Variants in TTLL5 observed in about 807,000 individuals in gnomAD.
TTLL5 encodes tubulin tyrosine ligase like 5.
In TTLL5, 132 loss-of-function variants were observed where a neutral mutation model predicts 168.4. The observed-to-expected ratio is 0.78, with a 90% confidence interval of 0.68 to 0.91. TTLL5 has a LOEUF of 0.91. TTLL5 is among the 40% of genes least tolerant of loss of function. The pLI is 0.00. For missense variants in TTLL5, 1,545 were observed against 1,581.5 expected (o/e 0.98, Z 0.39); for synonymous variants, 546 against 558.6 (o/e 0.98, Z 0.32).
rs533058112 is a variant in TTLL5, at chr14:75,954,015, G to C, written c.3824-409G>C. ...TGTAATCCCAGCACTTTGGGAGGCC[G>C]AGGTGGGCAGATCACGAGGTCAGGA... On this transcript the variant is annotated intron_variant, in intron 31 of 31. Coordinates refer to ENST00000298832, the MANE Select transcript of TTLL5 (RefSeq NM_015072.5). Among the ~76,000 whole-genome samples the C allele has an allele frequency of 1.5e-3, 230 of 152,126 alleles. 2 individuals are homozygous for C. The highest frequency in any genetic ancestry group is 2.4e-3 in the Non-Finnish European group (166 of 67,982).
Position 75,752,876 on chromosome 14 carries a change from CT to C in TTLL5, c.1488-14del. ...AACTAGCTTAAGAAATAACCAGTTT[CT>C]TTCTTTGCTTTTCAGGTCCTACCTC... On this transcript the variant is annotated splice_polypyrimidine_tract_variant and intron_variant, in intron 17 of 31. Coordinates refer to ENST00000298832, the MANE Select transcript of TTLL5 (RefSeq NM_015072.5). 6.2e-7 allele frequency: 1 copy of C among 1,610,660 alleles called. No individual in the cohort carries two copies. The highest frequency in any genetic ancestry group is 8.5e-7 in the Non-Finnish European group (1 of 1,177,924).
At chr14:75,877,738 G>A (rs1171116398) in intron 29 of TTLL5, among the ~76,000 whole-genome samples, 1 of 152,154 alleles carries the variant, frequency 6.6e-6, no homozygotes, top group Non-Finnish European at 1.5e-5. Context: ...TAATTCTTCT[G>A]TCCTTTTATG....
In TTLL5 at chr14:75,954,760, T is replaced by G. The variant is rs1326792207; in HGVS notation, c.*314T>G. 1 of 403,528 alleles carries G rather than the reference T, an allele frequency of 2.5e-6. No homozygotes were observed. The highest frequency in any genetic ancestry group is 4.5e-6 in the Non-Finnish European group (1 of 222,348). 25.0% of individuals were successfully genotyped at this position (403,528 alleles called of 1,614,324 possible). Reference sequence around the variant, plus strand: ...CCTTTGCCCCATGCCCCCAAACTGCTTAGGTCTTCTCTGTCCCTTTACTGC... The same window carrying G: ...CCTTTGCCCCATGCCCCCAAACTGCGTAGGTCTTCTCTGTCCCTTTACTGC... On this transcript the variant is annotated 3_prime_UTR_variant, in exon 32 of 32. Coordinates refer to ENST00000298832, the MANE Select transcript of TTLL5 (RefSeq NM_015072.5).
rs1045333985 is a variant in TTLL5 at position 75,771,814 on chromosome 14, C to T, written c.2096C>T (p.Thr699Met). The change falls in exon 21 of 32, where the codon ACG becomes ATG. Residue 699 changes from threonine (T) to methionine (M), a missense_variant. Coordinates refer to ENST00000298832, the MANE Select transcript of TTLL5 (RefSeq NM_015072.5). ...CTGATGAAAGACAGTGGCGGTCAGA[C>T]GTTCAGTGCCAGTTGGGCTGCCAAA... ...IRLMKDSGGQ[T>M]FSASWAAKED... The T allele has an allele frequency of 7.4e-6, 12 of 1,613,900 alleles. No homozygotes were observed. Among genetic ancestry groups the T allele is most frequent in the Middle Eastern group, 1.6e-4 (1 of 6,080 alleles).
Position 75,733,887 on chromosome 14 carries a change from A to G in TTLL5, c.1125-102A>G, listed in dbSNP as rs534195790. ...TTATGGGCTTTATGTGTTGCTCTTCATTGACATTTGGAAACTTTGCTATAT... is the reference window on the plus strand; with the variant it reads ...TTATGGGCTTTATGTGTTGCTCTTCGTTGACATTTGGAAACTTTGCTATAT... On this transcript the variant is annotated intron_variant, in intron 13 of 31. Transcript: ENST00000298832. 7.5e-5 allele frequency: 83 copies of G among 1,107,218 alleles called. No individual in the cohort carries two copies. The Middle Eastern group carries it at 8.0e-4, about 11-fold the overall frequency. The allele number at this position is 1,107,218 out of a possible 1,614,324, so 68.6% of individuals were successfully genotyped here. A position where few individuals can be genotyped will look rare whatever the true frequency, so the allele number is the denominator to read the frequency against.
chr14:75,844,409 A>G (rs1029089692), intron 28 of TTLL5, among the ~76,000 whole-genome samples: 2 of 152,334 alleles, frequency 1.3e-5, no homozygotes, highest in African/African-American at 4.8e-5. Context: ...TAGTATTTCT[A>G]AAACAAAGGT....
intron 10 of TTLL5, 63 bp from the exon 11 acceptor site, chr14:75,719,670 AAG>A (rs1887720379): frequency 7.3e-7 from 1 of 1,377,610 alleles, no homozygotes; most frequent in Non-Finnish European, 9.7e-7. Context: ...GCTATTTGCA[AAG>A]AGTCTTGTTA....
intron 31 of TTLL5, among the ~76,000 whole-genome samples, chr14:75,943,767 A>G (rs2034685449): frequency 6.6e-6 from 1 of 152,244 alleles, no homozygotes; most frequent in Non-Finnish European, 1.5e-5. Context: ...TGAAATTGCC[A>G]AATAGTGCAA....
At chr14:75,854,872 T>C (rs915117590) in intron 28 of TTLL5, among the ~76,000 whole-genome samples, 3 of 152,186 alleles carry the variant, frequency 2.0e-5, no homozygotes, top group African/African-American at 4.8e-5. Flanking sequence ...CAGTTACCAA[T>C]AGGGCATTTT....
intron 28 of TTLL5, among the ~76,000 whole-genome samples, chr14:75,852,638 T>C (rs1018836060): frequency 2.0e-5 from 3 of 152,210 alleles, no homozygotes; most frequent in Non-Finnish European, 4.4e-5. Flanking sequence ...TATACTCTTA[T>C]CTCAAGGTGT....
At chr14:75,852,550 A>G (rs992750792) in intron 28 of TTLL5, among the ~76,000 whole-genome samples, 4 of 152,132 alleles carry the variant, frequency 2.6e-5, no homozygotes, top group Non-Finnish European at 5.9e-5. Context: ...CACCATCCCT[A>G]TTATACTTTA....
chr14:75,714,037 G>C (rs1017042866), intron 9 of TTLL5, among the ~76,000 whole-genome samples: 2 of 151,564 alleles, frequency 1.3e-5, no homozygotes, highest in Non-Finnish European at 2.9e-5. Context: ...GTCTCCTTCA[G>C]TCTGAAACAG....
chr14:75,683,775 A>AATT, intron 5 of TTLL5, 119 bp downstream of exon 5: 2 of 621,746 alleles, frequency 3.2e-6, no homozygotes, highest in Non-Finnish European at 5.1e-6. Context: ...AAGAAGAAGG[A>AATT]CTTTTTTTTT....
At chr14:75,727,418 A>G (rs769677065) in intron 12 of TTLL5, among the ~76,000 whole-genome samples, 15 of 152,220 alleles carry the variant, frequency 9.9e-5, no homozygotes, top group Non-Finnish European at 1.9e-4. Flanking sequence ...TCAAAAGCAC[A>G]ATGCTAAGTG....
intron 19 of TTLL5, among the ~76,000 whole-genome samples, chr14:75,765,714 T>C (rs1345093839): frequency 1.3e-5 from 2 of 152,006 alleles, no homozygotes; most frequent in African/African-American, 4.8e-5. Flanking sequence ...AATACAAAAA[T>C]TAGCTGGGTA....
At chr14:75,903,737 AG>A (rs1264552213) in intron 31 of TTLL5, among the ~76,000 whole-genome samples, 1 of 151,736 alleles carries the variant, frequency 6.6e-6, no homozygotes, top group Non-Finnish European at 1.5e-5. Flanking sequence ...AAAAAAAAAA[AG>A]TTTTTAATTA....
intron 12 of TTLL5, chr14:75,727,962 C>T: frequency 2.6e-6 from 1 of 383,378 alleles, no homozygotes; most frequent in South Asian, 2.0e-5. Flanking sequence ...ATGGATATGT[C>T]CAATTATCAA....
chr14:75,720,725 A>T lies in TTLL5; in HGVS notation c.1042+22A>T, dbSNP rs1319431938. 39 of 1,596,182 alleles carry T rather than the reference A, an allele frequency of 2.4e-5. 1 individual carries two copies. The highest frequency in any genetic ancestry group is 3.2e-5 in the Non-Finnish European group (37 of 1,163,966). On this transcript the variant is annotated intron_variant, in intron 12 of 31. Coordinates refer to ENST00000298832, the MANE Select transcript of TTLL5 (RefSeq NM_015072.5). ...TTTGGTAAGGAGACTCAAGAAGCTT[A>T]ACATGTTTTGTGAAGAGGATCTTGG...
At chr14:75,838,495 GA>G (rs982602920) in intron 28 of TTLL5, 4 of 151,918 alleles carry the variant, frequency 2.6e-5, no homozygotes, top group African/African-American at 9.7e-5. Context: ...CCTGGAGGCG[GA>G]GCTTGCAGTG....
Sources: allele counts gnomAD v4.1 joint callset (sites outside exome capture counted in the v4.1 genomes callset), GRCh38; gene constraint gnomAD v4.1.1; transcripts MANE v1.5; gene names NCBI Gene and HGNC (gene_info 2026-07-23, HGNC 2026-07-21).